The following TNFSF11 variants were observed in gnomAD, a reference collection of about 807,000 sequenced individuals.
TNFSF11 encodes the protein TNF superfamily member 11.
Under a neutral mutation model 32.2 loss-of-function variants are expected in TNFSF11, and 12 were observed. That is an observed-to-expected ratio of 0.37 (90% CI 0.24 to 0.60). The LOEUF is 0.60. TNFSF11 is among the 20% of genes least tolerant of loss of function. The pLI, the probability that TNFSF11 is intolerant of heterozygous loss-of-function variation, is 0.66. For missense variants in TNFSF11, 345 were observed against 398.0 expected (o/e 0.87, Z 1.13); for synonymous variants, 172 against 152.1 (o/e 1.13, Z -0.96).
At chr13:42,585,545 A>G (rs2137876867) in intron 2 of TNFSF11, among the ~76,000 whole-genome samples, 1 of 152,336 alleles carries the variant, frequency 6.6e-6, no homozygotes, top group African/African-American at 2.4e-5. Context: ...CACAATTTAT[A>G]AAGTCTATCA....
rs1219462019 is a variant in TNFSF11 at position 42,603,128 on chromosome 13, A to G, written c.532+2147A>G. On this transcript the variant is annotated intron_variant, in intron 4 of 4. Transcript: ENST00000398795. Reference sequence around the variant, plus strand: ...TCAGAGGAAGTGGCTTTAAATTTGCATGTTCATTTTGGGGCTCTGTTTTAT... The same window carrying G: ...TCAGAGGAAGTGGCTTTAAATTTGCGTGTTCATTTTGGGGCTCTGTTTTAT... Among the ~76,000 whole-genome samples, 4 of 152,300 alleles carry G rather than the reference A, an allele frequency of 2.6e-5. 1 individual carries two copies. Among genetic ancestry groups the G allele is most frequent in the South Asian group, 4.1e-4 (2 of 4,828 alleles).
chr13:42,597,498 A>T (rs901699265), intron 2 of TNFSF11, among the ~76,000 whole-genome samples: 13 of 152,116 alleles, frequency 8.5e-5, no homozygotes, highest in Non-Finnish European at 1.9e-4. Flanking sequence ...ATTCCCGGGT[A>T]GAAGAGGACA....
intron 2 of TNFSF11, among the ~76,000 whole-genome samples, chr13:42,593,471 C>G (rs1868617627): frequency 6.6e-6 from 1 of 151,992 alleles, no homozygotes; most frequent in Non-Finnish European, 1.5e-5. Flanking sequence ...TTATGCTAGT[C>G]CTAATGAGAA....
intron 2 of TNFSF11, among the ~76,000 whole-genome samples, chr13:42,583,432 A>AAAAAAG (rs1566378147): frequency 2.2e-5 from 2 of 90,322 alleles, no homozygotes; most frequent in Admixed American, 1.0e-4. Context: ...AAAAAAAAAA[A>AAAAAAG]AAAAAAGAAA....
upstream of TNFSF11, among the ~76,000 whole-genome samples, chr13:42,570,446 T>C (rs1418857458): frequency 6.6e-6 from 1 of 152,228 alleles, no homozygotes; most frequent in Non-Finnish European, 1.5e-5. Flanking sequence ...CTAGGAAATA[T>C]AGTTTGAGAA....
intron 4 of TNFSF11, among the ~76,000 whole-genome samples, chr13:42,603,799 A>G (rs1430389738): frequency 6.6e-6 from 1 of 152,182 alleles, no homozygotes; most frequent in Non-Finnish European, 1.5e-5. Context: ...CTCTACTATT[A>G]GTGGTGAGTG....
At chr13:42,576,450 C>A (rs531724030) in intron 1 of TNFSF11, among the ~76,000 whole-genome samples, 2 of 152,076 alleles carry the variant, frequency 1.3e-5, no homozygotes, top group South Asian at 4.2e-4. Context: ...ACATTCAGAA[C>A]CCCTTTTCAA....
upstream of TNFSF11, among the ~76,000 whole-genome samples, chr13:42,573,022 T>C (rs1228680325): frequency 6.6e-6 from 1 of 152,156 alleles, no homozygotes; most frequent in African/African-American, 2.4e-5. Flanking sequence ...CCTACACACA[T>C]CCTCTTGTAC....
upstream of TNFSF11, among the ~76,000 whole-genome samples, chr13:42,572,921 T>G (rs1446486147): frequency 6.6e-6 from 1 of 152,192 alleles, no homozygotes; most frequent in East Asian, 1.9e-4. Flanking sequence ...GAAGACTGGT[T>G]CCAGGACACC....
Position 42,606,811 on chromosome 13 carries a change from T to C in TNFSF11, c.847T>C (p.Leu283=). Residue 283 remains leucine (L), a synonymous_variant, in exon 5 of 5, where the codon TTA becomes CTA. Transcript: ENST00000398795. ...CATAAACGTTGGTGGATTTTTTAAGTTACGGTCTGGAGAGGAAATCAGCAT... is the reference window on the plus strand; with the variant it reads ...CATAAACGTTGGTGGATTTTTTAAGCTACGGTCTGGAGAGGAAATCAGCAT... ...YSINVGGFFK[L]RSGEEISIEV... is the part of the protein sequence containing the mutation. The C allele has an allele frequency of 6.2e-7, 1 of 1,613,602 alleles. No individual in the cohort carries two copies.
chr13:42,563,634 G>T (rs533268081), intron 1 of TNFSF11, among the ~76,000 whole-genome samples: 2 of 145,896 alleles, frequency 1.4e-5, no homozygotes, highest in South Asian at 4.3e-4. Flanking sequence ...TTGCACTCCA[G>T]CCTGGGCAAC....
intron 2 of TNFSF11, among the ~76,000 whole-genome samples, chr13:42,568,182 C>T (rs1049791526): frequency 6.6e-6 from 1 of 152,186 alleles, no homozygotes; most frequent in African/African-American, 2.4e-5. Context: ...TGCATGTTTG[C>T]TTATCATGCA....
intron 2 of TNFSF11, among the ~76,000 whole-genome samples, chr13:42,598,505 G>T (rs953050499): frequency 6.6e-6 from 1 of 152,188 alleles, no homozygotes; most frequent in Non-Finnish European, 1.5e-5. Flanking sequence ...CCATCCACCT[G>T]CCTGACAAGA....
intron 2 of TNFSF11, among the ~76,000 whole-genome samples, chr13:42,587,733 A>G (rs1873964811): frequency 6.6e-6 from 1 of 152,244 alleles, no homozygotes; most frequent in African/African-American, 2.4e-5. Context: ...AAAACTAGAA[A>G]GTTCACCAGA....
At chr13:42,605,522 A>G (rs187633271) in intron 4 of TNFSF11, among the ~76,000 whole-genome samples, 2 of 152,334 alleles carry the variant, frequency 1.3e-5, no homozygotes, top group South Asian at 2.1e-4. Context: ...TTAATGACCC[A>G]GGAAAATACA....
chr13:42,584,157 A>T (rs931278496), intron 2 of TNFSF11, among the ~76,000 whole-genome samples: 2 of 152,216 alleles, frequency 1.3e-5, no homozygotes, highest in African/African-American at 4.8e-5. Context: ...AACTATGCAC[A>T]GTCATAATTT....
chr13:42,570,927 C>T (rs1283911738), upstream of TNFSF11, among the ~76,000 whole-genome samples: 1 of 152,152 alleles, frequency 6.6e-6, no homozygotes, highest in Non-Finnish European at 1.5e-5. Flanking sequence ...TCTCATTGTA[C>T]TTGCACTTTG....
At chr13:42,604,852 T>C (rs1869367047) in intron 4 of TNFSF11, among the ~76,000 whole-genome samples, 1 of 152,146 alleles carries the variant, frequency 6.6e-6, no homozygotes, top group African/African-American at 2.4e-5. Context: ...AGCGCGATCT[T>C]GGCTCACTGC....
chr13:42,598,494 C>T (rs1210947565), intron 2 of TNFSF11, among the ~76,000 whole-genome samples: 7 of 152,214 alleles, frequency 4.6e-5, no homozygotes, highest in African/African-American at 1.7e-4. Flanking sequence ...CCTAAGGCCA[C>T]CCATCCACCT....
Sources: allele counts gnomAD v4.1 joint callset (sites outside exome capture counted in the v4.1 genomes callset), GRCh38; gene constraint gnomAD v4.1.1; transcripts MANE v1.5; gene names NCBI Gene and HGNC (gene_info 2026-07-23, HGNC 2026-07-21).